The following CATSPERE variants were observed in gnomAD, a reference collection of about 807,000 sequenced individuals.
The protein encoded by CATSPERE is catsper channel auxiliary subunit epsilon.
CATSPERE carries 93 observed loss-of-function variants against 114.1 expected under a neutral mutation model. That is an observed-to-expected ratio of 0.81 (90% CI 0.69 to 0.97). The LOEUF (loss-of-function observed/expected upper bound fraction) is 0.97. CATSPERE is among the 50% of genes least tolerant of loss of function. The pLI, the probability that CATSPERE is intolerant of heterozygous loss-of-function variation, is 0.00. For missense variants in CATSPERE, 1,058 were observed against 1,131.6 expected, an observed-to-expected ratio of 0.93 and a Z score of 0.93; for synonymous variants, 341 against 384.1, an observed-to-expected ratio of 0.89 and a Z score of 1.31.
intron 19 of CATSPERE, among the ~76,000 whole-genome samples, chr1:244,610,872 T>C (rs1220809450): frequency 6.6e-6 from 1 of 151,864 alleles, no homozygotes; most frequent in Non-Finnish European, 1.5e-5. Context: ...GTGATTCTCC[T>C]GCCTCAGCCT....
At position 244,617,669 on chromosome 1, in the gene CATSPERE, C is replaced by A. The variant is rs1276245458; in HGVS notation, c.2631C>A (p.Ile877=). The A allele has an allele frequency of 6.5e-7, 1 of 1,538,122 alleles. No homozygotes were observed. Residue 877 remains isoleucine, a synonymous_variant, in exon 20 of 22, where the codon ATC becomes ATA. Transcript: ENST00000366534. ...HSGMYVFRVK[I]LDPNYSFCNL... is the part of the protein sequence containing the mutation. Reference sequence around the variant, plus strand: ...GAATGTATGTATTTCGTGTGAAGATCCTGGATCCAAACTATAGGTGAATAT... The same window carrying A: ...GAATGTATGTATTTCGTGTGAAGATACTGGATCCAAACTATAGGTGAATAT...
chr1:244,465,345 T>G (rs1343237707), intron 2 of CATSPERE, among the ~76,000 whole-genome samples: 5 of 152,190 alleles, frequency 3.3e-5, no homozygotes, highest in African/African-American at 1.2e-4. Context: ...GGGCTCTTAT[T>G]TAATAAAAAT....
chr1:244,589,147 A>G (rs1268021173), intron 14 of CATSPERE, among the ~76,000 whole-genome samples: 1 of 152,226 alleles, frequency 6.6e-6, no homozygotes, highest in Non-Finnish European at 1.5e-5. Context: ...CAAAGGCAGC[A>G]TACACAAATC....
chr1:244,492,939 T>TA (rs907714170), intron 6 of CATSPERE, among the ~76,000 whole-genome samples: 23 of 150,368 alleles, frequency 1.5e-4, no homozygotes, highest in Non-Finnish European at 3.0e-4. Flanking sequence ...CTCAATGAAA[T>TA]AAAAGAGGAT....
At chr1:244,627,189 C>T (rs1673309397) in intron 20 of CATSPERE, among the ~76,000 whole-genome samples, 1 of 152,170 alleles carries the variant, frequency 6.6e-6, no homozygotes, top group South Asian at 2.1e-4. Context: ...TCAGTCAGAG[C>T]ATACGTAACA....
intron 17 of CATSPERE, among the ~76,000 whole-genome samples, chr1:244,598,193 G>A (rs1433312686): frequency 6.6e-6 from 1 of 152,176 alleles, no homozygotes; most frequent in Non-Finnish European, 1.5e-5. Flanking sequence ...AATCATATCT[G>A]TAGAAGGGGA....
chr1:244,462,098 A>G (rs376025849), intron 1 of CATSPERE, among the ~76,000 whole-genome samples: 1 of 152,148 alleles, frequency 6.6e-6, no homozygotes, highest in East Asian at 1.9e-4. Flanking sequence ...ATTACAGACT[A>G]TGAGCTCTGA....
intron 19 of CATSPERE, among the ~76,000 whole-genome samples, chr1:244,615,907 A>T (rs1228165576): frequency 6.7e-6 from 1 of 149,920 alleles, no homozygotes; most frequent in Non-Finnish European, 1.5e-5. Context: ...TAAGTCCAGA[A>T]GTTCGACAGA....
intron 17 of CATSPERE, among the ~76,000 whole-genome samples, chr1:244,599,986 T>G (rs1413798237): frequency 6.6e-6 from 1 of 152,040 alleles, no homozygotes; most frequent in Admixed American, 6.6e-5. Context: ...ATGAGTATGT[T>G]TACAGTTTGA....
intron 21 of CATSPERE, among the ~76,000 whole-genome samples, chr1:244,636,375 T>C (rs1674631536): frequency 6.6e-6 from 1 of 152,184 alleles, no homozygotes; most frequent in Non-Finnish European, 1.5e-5. Flanking sequence ...ATGGCCCTAC[T>C]GTAAATATGA....
intron 9 of CATSPERE, among the ~76,000 whole-genome samples, chr1:244,554,681 G>C (rs1481459901): frequency 6.6e-6 from 1 of 151,538 alleles, no homozygotes; most frequent in East Asian, 1.9e-4. Flanking sequence ...TATCTTTTGA[G>C]AAATATCTGT....
intron 18 of CATSPERE, among the ~76,000 whole-genome samples, chr1:244,609,410 G>A (rs1670422975): frequency 6.6e-6 from 1 of 151,408 alleles, no homozygotes; most frequent in Non-Finnish European, 1.5e-5. Context: ...GAGTGCAGTG[G>A]CGTGATCTTG....
chr1:244,571,384 G>A (rs1030498564), intron 10 of CATSPERE, among the ~76,000 whole-genome samples: 1 of 152,170 alleles, frequency 6.6e-6, no homozygotes, highest in African/African-American at 2.4e-5. Flanking sequence ...CCTAGAGGCT[G>A]TACACAGAGA....
At chr1:244,604,810 G>A (rs544351330) in intron 17 of CATSPERE, among the ~76,000 whole-genome samples, 12 of 152,216 alleles carry the variant, frequency 7.9e-5, no homozygotes, top group Non-Finnish European at 1.6e-4. Flanking sequence ...AAGCCTCTAT[G>A]TTCACATGGT....
intron 5 of CATSPERE, among the ~76,000 whole-genome samples, chr1:244,489,899 C>T (rs1172455767): frequency 6.6e-6 from 1 of 152,058 alleles, no homozygotes; most frequent in African/African-American, 2.4e-5. Context: ...AGCAAATTGG[C>T]CGTACTGGTT....
At chr1:244,470,800 G>T (rs1236286330) in intron 2 of CATSPERE, among the ~76,000 whole-genome samples, 2 of 152,166 alleles carry the variant, frequency 1.3e-5, no homozygotes, top group African/African-American at 4.8e-5. Context: ...ATAAAATGTA[G>T]TATGTTTATA....
chr1:244,461,617 C>G, intron 1 of CATSPERE, 123 bp downstream of exon 1: 1 of 696,348 alleles, frequency 1.4e-6, no homozygotes, highest in Non-Finnish European at 2.0e-6. Flanking sequence ...ACCACTGCCT[C>G]GTCTCCTGGC....
intron 20 of CATSPERE, among the ~76,000 whole-genome samples, chr1:244,630,141 C>T (rs191004988): frequency 6.5e-4 from 99 of 152,250 alleles, no homozygotes; most frequent in African/African-American, 2.2e-3. Flanking sequence ...TGAAAGCAAA[C>T]GGCCTCTGAT....
chr1:244,581,732 C>CATAAATTTTAAATTACA, intron 11 of CATSPERE, 64 bp from the exon 12 acceptor site: 1 of 699,664 alleles, frequency 1.4e-6, no homozygotes, highest in East Asian at 3.0e-5. Context: ...CCATATGCTA[C>CATAAATTTTAAATTACA]TAAAGTGGGA....
Sources: gnomAD v4.1 joint callset for allele counts (sites outside exome capture counted in the v4.1 genomes callset) on GRCh38, gnomAD v4.1.1 for gene constraint, MANE v1.5 for transcripts, NCBI Gene and HGNC (gene_info 2026-07-23, HGNC 2026-07-21) for gene names.